The following BCKDHB variants were observed in gnomAD, a reference collection of about 807,000 sequenced individuals.
The protein encoded by BCKDHB is 2-oxoisovalerate dehydrogenase subunit beta, mitochondrial.
In BCKDHB, 41 loss-of-function variants were observed where a neutral mutation model predicts 48.5. The ratio of observed to expected loss-of-function variants is 0.85; its 90% CI spans 0.66 to 1.10. The LOEUF is 1.10. Among genes scored for constraint, BCKDHB ranks in the 50% least tolerant of loss-of-function variants. The pLI, the probability that BCKDHB is intolerant of heterozygous loss-of-function variation, is 0.00. For synonymous variants in BCKDHB, 201 were observed against 174.8 expected (o/e 1.15, Z -1.18); for missense variants, 496 against 494.2 (o/e 1.00, Z -0.03).
intron 8 of BCKDHB, among the ~76,000 whole-genome samples, chr6:80,270,929 A>AT (rs1255367263): frequency 6.6e-6 from 1 of 152,134 alleles, no homozygotes; most frequent in African/African-American, 2.4e-5. Flanking sequence ...GTATTTTTAA[A>AT]TGTTTGGCAC....
the BCKDHB span, among the ~76,000 whole-genome samples, chr6:80,375,375 A>G: frequency 6.6e-6 from 1 of 152,042 alleles, no homozygotes; most frequent in South Asian, 2.1e-4. Context: ...TCTTTGTCAG[A>G]TCGGGTTAAT....
intron 6 of BCKDHB, among the ~76,000 whole-genome samples, chr6:80,197,663 A>G (rs1477155631): frequency 1.3e-5 from 2 of 152,180 alleles, no homozygotes; most frequent in Non-Finnish European, 2.9e-5. Flanking sequence ...GGACTCTTGA[A>G]TCATGGCCAC....
At chr6:80,220,734 C>CTT (rs67235328) in intron 8 of BCKDHB, among the ~76,000 whole-genome samples, 66 of 121,918 alleles carry the variant, frequency 5.4e-4, no homozygotes, top group African/African-American at 1.2e-3. Flanking sequence ...TTTTCTTTTT[C>CTT]TTTTTTTTTT....
the BCKDHB span, among the ~76,000 whole-genome samples, chr6:80,365,415 TC>T: frequency 6.6e-6 from 1 of 151,852 alleles, no homozygotes; most frequent in African/African-American, 2.4e-5. Flanking sequence ...CCAGAGGGTC[TC>T]CCCCCAGGAA....
At chr6:80,323,147 A>C (rs1768836672) in intron 9 of BCKDHB, among the ~76,000 whole-genome samples, 1 of 151,712 alleles carries the variant, frequency 6.6e-6, no homozygotes, top group Non-Finnish European at 1.5e-5. Context: ...CAGCCCTCTC[A>C]TAGGGCTCAT....
chr6:80,356,232 C>T, the BCKDHB span: 10 of 152,326 alleles, frequency 6.6e-5, no homozygotes, highest in South Asian at 6.2e-4. Context: ...CTACAGGCCA[C>T]TCTAGATTCT....
the BCKDHB span, among the ~76,000 whole-genome samples, chr6:80,361,894 G>A: frequency 2.6e-5 from 4 of 152,118 alleles, no homozygotes; most frequent in African/African-American, 9.7e-5. Flanking sequence ...GAAAGAACAC[G>A]CATGGGAGAG....
At chr6:80,427,063 T>A in the BCKDHB span, among the ~76,000 whole-genome samples, 41 of 152,242 alleles carry the variant, frequency 2.7e-4, no homozygotes, top group African/African-American at 9.4e-4. Flanking sequence ...TCTAGATGAA[T>A]AAATACCTTT....
At chr6:80,157,755 A>G (rs1443286018) in intron 3 of BCKDHB, among the ~76,000 whole-genome samples, 2 of 152,066 alleles carry the variant, frequency 1.3e-5, no homozygotes, top group Non-Finnish European at 2.9e-5. Context: ...CTGGGATTAC[A>G]GGTGTGAGCC....
the BCKDHB span, among the ~76,000 whole-genome samples, chr6:80,455,811 A>T: frequency 6.6e-6 from 1 of 152,056 alleles, no homozygotes; most frequent in Admixed American, 6.6e-5. Flanking sequence ...CTTGTCTTTC[A>T]CACCCCAAAC....
intron 1 of BCKDHB, among the ~76,000 whole-genome samples, chr6:80,108,308 G>GA (rs1180618152): frequency 1.5e-5 from 2 of 131,112 alleles, no homozygotes; most frequent in African/African-American, 2.8e-5. Context: ...AATAGTAGGT[G>GA]TTTTTTTTTT....
At chr6:80,377,951 T>C in the BCKDHB span, among the ~76,000 whole-genome samples, 1 of 152,254 alleles carries the variant, frequency 6.6e-6, no homozygotes, top group East Asian at 1.9e-4. Context: ...TTTAGATCTG[T>C]GAACACGAGA....
intron 8 of BCKDHB, among the ~76,000 whole-genome samples, chr6:80,217,684 G>A (rs1251049092): frequency 6.6e-6 from 1 of 152,072 alleles, no homozygotes; most frequent in Non-Finnish European, 1.5e-5. Flanking sequence ...TCTTCTGAAG[G>A]CCACTTCCAT....
chr6:80,407,841 T>C, the BCKDHB span, among the ~76,000 whole-genome samples: 1 of 152,180 alleles, frequency 6.6e-6, no homozygotes, highest in Non-Finnish European at 1.5e-5. Flanking sequence ...TTGAATACCC[T>C]TTATTTCTTT....
At chr6:80,278,534 C>T (rs1778059683) in intron 9 of BCKDHB, among the ~76,000 whole-genome samples, 1 of 152,188 alleles carries the variant, frequency 6.6e-6, no homozygotes. Context: ...TTCTCCTTTG[C>T]TTGTTTAGTT....
the BCKDHB span, chr6:80,453,147 C>T: frequency 3.9e-5 from 6 of 152,122 alleles, no homozygotes; most frequent in Non-Finnish European, 5.9e-5. Context: ...TCATTTCCAA[C>T]GTGGTTAAGC....
chr6:80,293,284 A>G (rs753255785), intron 9 of BCKDHB, among the ~76,000 whole-genome samples: 1 of 152,136 alleles, frequency 6.6e-6, no homozygotes, highest in Non-Finnish European at 1.5e-5. Flanking sequence ...ATTTCCACAC[A>G]TCCTCTGAAA....
intron 3 of BCKDHB, among the ~76,000 whole-genome samples, chr6:80,130,434 A>G (rs887745321): frequency 6.6e-6 from 1 of 152,092 alleles, no homozygotes; most frequent in African/African-American, 2.4e-5. Flanking sequence ...GAACCCATAC[A>G]TGTTCCATCT....
At chr6:80,244,951 A>G (rs546729549) in intron 8 of BCKDHB, among the ~76,000 whole-genome samples, 63 of 152,330 alleles carry the variant, frequency 4.1e-4, no homozygotes, top group African/African-American at 1.4e-3. Flanking sequence ...ATTGAATTCA[A>G]TTCAACAAAC....
Sources: gnomAD v4.1 joint callset for allele counts (sites outside exome capture counted in the v4.1 genomes callset) on GRCh38, gnomAD v4.1.1 for gene constraint, MANE v1.5 for transcripts, NCBI Gene and HGNC (gene_info 2026-07-23, HGNC 2026-07-21) for gene names.